Variants in DYNC2I1 observed in about 807,000 individuals in gnomAD.
DYNC2I1 encodes cytoplasmic dynein 2 intermediate chain 1.
Under a neutral mutation model 133.4 loss-of-function variants are expected in DYNC2I1, and 89 were observed. That is an observed-to-expected ratio of 0.67 (90% confidence interval 0.56 to 0.80). The LOEUF (loss-of-function observed/expected upper bound fraction) is 0.80. Among genes scored for constraint, DYNC2I1 ranks in the 30% least tolerant of loss-of-function variants. DYNC2I1 has a pLI of 0.00. For missense variants in DYNC2I1, 1,291 were observed against 1,314.5 expected (o/e 0.98, Z 0.28); for synonymous variants, 504 against 484.3 (o/e 1.04, Z -0.54).
rs1196270620 is a variant in DYNC2I1, at chr7:158,951,755, G to A, written c.*57-4828G>A. 5.9e-5 allele frequency among the ~76,000 whole-genome samples: 9 copies of A among 152,338 alleles called. No homozygotes were observed. In the East Asian group the frequency reaches 1.7e-3, roughly 29 times the overall value. On this transcript the variant is annotated intron_variant and NMD_transcript_variant, in intron 4 of 4. Coordinates refer to the DYNC2I1 transcript ENST00000454771. ...CATTGGGGCTGCCTGAGGCTGAGCTGGCACCGGTTCTGAGGAGCTGAAGGA... is the reference window on the plus strand; with the variant it reads ...CATTGGGGCTGCCTGAGGCTGAGCTAGCACCGGTTCTGAGGAGCTGAAGGA...
At chr7:158,956,514 G>C (rs890512218) in intron 4 of DYNC2I1, 4 of 152,404 alleles carry the variant, frequency 2.6e-5, no homozygotes, top group African/African-American at 9.6e-5. Flanking sequence ...GACCTGTGTC[G>C]GGAACCTTCC....
intron 1 of DYNC2I1, among the ~76,000 whole-genome samples, chr7:158,862,569 A>AG (rs1736293163): frequency 6.6e-6 from 1 of 151,284 alleles, no homozygotes. Context: ...AAAAAAAAAA[A>AG]AAAGCCTGGG....
the DYNC2I1 span, among the ~76,000 whole-genome samples, chr7:158,839,326 C>T: frequency 6.9e-6 from 1 of 145,920 alleles, no homozygotes; most frequent in Non-Finnish European, 1.5e-5. Context: ...AACTCCGTAA[C>T]ACCTGACTGC....
Position 158,934,506 on chromosome 7 carries a change from T to A in DYNC2I1, c.2735T>A (p.Val912Asp). 2 of 1,564,102 alleles carry A rather than the reference T, an allele frequency of 1.3e-6. No homozygotes were observed. The highest frequency in any genetic ancestry group is 1.7e-6 in the Non-Finnish European group (2 of 1,153,378). Residue 912 changes from valine (V) to aspartate (D), a missense_variant, in exon 23 of 25, where the codon GTT (valine) becomes GAT (aspartate). By Grantham distance (152) the Val-to-Asp change is radical. Coordinates refer to ENST00000407559, the MANE Select transcript of DYNC2I1 (RefSeq NM_018051.5). ...PQQHGIRPVK[V>D]NVIDFSPFGE... ...CAACATGGTATAAGACCAGTGAAAG[T>A]TAATGTCATTGATTTTTCACCATTT...
intron 17 of DYNC2I1, 124 bp downstream of exon 17, chr7:158,923,857 T>C (rs1276692727): frequency 4.0e-6 from 5 of 1,257,024 alleles, no homozygotes; most frequent in Non-Finnish European, 5.4e-6. Context: ...GTCTGACCCA[T>C]GGGCAAAAGA....
chr7:158,923,130 T>C (rs1849259757), intron 16 of DYNC2I1, among the ~76,000 whole-genome samples: 1 of 152,200 alleles, frequency 6.6e-6, no homozygotes, highest in African/African-American at 2.4e-5. Flanking sequence ...CATTTGTATT[T>C]TCCTAGTTAT....
chr7:158,951,975 G>A (rs1307758076), intron 4 of DYNC2I1, among the ~76,000 whole-genome samples: 3 of 152,172 alleles, frequency 2.0e-5, no homozygotes, highest in Non-Finnish European at 4.4e-5. Context: ...CTCCAGACCC[G>A]CCTTTCCTGC....
intron 5 of DYNC2I1, among the ~76,000 whole-genome samples, chr7:158,880,992 G>C (rs561213144): frequency 6.6e-6 from 1 of 152,174 alleles, no homozygotes; most frequent in Admixed American, 6.5e-5. Flanking sequence ...CGCAGGACCC[G>C]GATCTCCTGA....
intron 9 of DYNC2I1, among the ~76,000 whole-genome samples, chr7:158,902,149 T>C (rs577979490): frequency 6.6e-6 from 1 of 152,360 alleles, no homozygotes; most frequent in East Asian, 1.9e-4. Flanking sequence ...ATAGGTCTTC[T>C]GTATATGGTT....
At chr7:158,917,199 G>A (rs77239220) in intron 14 of DYNC2I1, among the ~76,000 whole-genome samples, 5 of 122,550 alleles carry the variant, frequency 4.1e-5, no homozygotes, top group Admixed American at 7.5e-5. Flanking sequence ...ATTGTGAAAC[G>A]TCGACACGCT....
intron 7 of DYNC2I1, among the ~76,000 whole-genome samples, chr7:158,889,065 A>ACACC (rs995160680): frequency 8.3e-6 from 1 of 120,288 alleles, no homozygotes; most frequent in African/African-American, 3.2e-5. Context: ...ACACACACAC[A>ACACC]CCCCTCCTGT....
At chr7:158,939,048 A>C (rs1298908302) in intron 23 of DYNC2I1, among the ~76,000 whole-genome samples, 1 of 152,218 alleles carries the variant, frequency 6.6e-6, no homozygotes, top group African/African-American at 2.4e-5. Context: ...GAGAGGGTTA[A>C]AGTGTAGAAT....
chr7:158,901,556 C>T (rs1429640148), intron 8 of DYNC2I1, among the ~76,000 whole-genome samples, 183 bp from the exon 9 acceptor site: 1 of 152,116 alleles, frequency 6.6e-6, no homozygotes, highest in Non-Finnish European at 1.5e-5. Flanking sequence ...TTTGGTCCTA[C>T]CTGTAAGTTA....
Position 158,934,981 on chromosome 7 carries a change from A to G in DYNC2I1, c.2778+432A>G, listed in dbSNP as rs142410114. On this transcript the variant is annotated intron_variant, in intron 23 of 24. Transcript: ENST00000407559. Reference sequence around the variant, plus strand: ...ATAACAAATTTTAAAAACAAAACCTATGTAGAAATTAAACTCTCGAGTAAT... The same window carrying G: ...ATAACAAATTTTAAAAACAAAACCTGTGTAGAAATTAAACTCTCGAGTAAT... Among the ~76,000 whole-genome samples the G allele has an allele frequency of 7.2e-4, 109 of 152,352 alleles. No homozygotes were observed. The East Asian group carries it at 0.016, about 22-fold the overall frequency.
At chr7:158,878,880 G>A (rs1305298530) in intron 4 of DYNC2I1, among the ~76,000 whole-genome samples, 41 of 145,580 alleles carry the variant, frequency 2.8e-4, no homozygotes, top group African/African-American at 1.0e-3. Flanking sequence ...TGTGAGTGCC[G>A]GGCACCATGT....
At chr7:158,918,645 T>C (rs948377442) in intron 14 of DYNC2I1, 95 bp from the exon 15 acceptor site, 1 of 1,435,104 alleles carries the variant, frequency 7.0e-7, no homozygotes, top group African/African-American at 1.4e-5. Context: ...AAGCAGTTAT[T>C]TGCAGATATG....
At chr7:158,938,904 G>T (rs1284515971) in intron 23 of DYNC2I1, among the ~76,000 whole-genome samples, 3 of 152,126 alleles carry the variant, frequency 2.0e-5, no homozygotes, top group Admixed American at 1.3e-4. Context: ...CTGTGTTACT[G>T]TATTTGTACA....
chr7:158,892,972 A>G (rs1845381940), intron 8 of DYNC2I1, among the ~76,000 whole-genome samples: 1 of 151,768 alleles, frequency 6.6e-6, no homozygotes, highest in Non-Finnish European at 1.5e-5. Flanking sequence ...AGGAAGATAC[A>G]AAGATTTCCC....
downstream of DYNC2I1, among the ~76,000 whole-genome samples, chr7:158,947,493 T>C (rs1298363556): frequency 2.0e-5 from 3 of 152,242 alleles, no homozygotes; most frequent in Non-Finnish European, 4.4e-5. Context: ...TCACAGTTCG[T>C]TCTCTGTCCT....
Sources: gnomAD v4.1 joint callset for allele counts (sites outside exome capture counted in the v4.1 genomes callset) on GRCh38, gnomAD v4.1.1 for gene constraint, MANE v1.5 for transcripts, NCBI Gene and HGNC (gene_info 2026-07-23, HGNC 2026-07-21) for gene names.